The following OR14I1 variants were observed in gnomAD, a reference collection of about 807,000 sequenced individuals.
OR14I1 encodes olfactory receptor 14I1.
For missense variants in OR14I1, 279 were observed against 181.8 expected, an observed-to-expected ratio of 1.53 and a Z score of -3.07; for synonymous variants, 118 against 71.1, an observed-to-expected ratio of 1.66 and a Z score of -3.32.
chr1:248,692,601 C>T, the OR14I1 span: 4 of 152,622 alleles, frequency 2.6e-5, no homozygotes, highest in African/African-American at 9.6e-5. Context: ...CTTTGTTGGG[C>T]AGTGTACTCA....
chr1:248,684,840 T>G (rs1337156544), upstream of OR14I1, among the ~76,000 whole-genome samples: 2 of 84,874 alleles, frequency 2.4e-5, no homozygotes, highest in Non-Finnish European at 5.9e-5. Context: ...TGCCAATAAA[T>G]GGGGTAGCGG....
At chr1:248,701,623 C>T in the OR14I1 span, among the ~76,000 whole-genome samples, 1 of 152,086 alleles carries the variant, frequency 6.6e-6, no homozygotes, top group Non-Finnish European at 1.5e-5. Context: ...TGAGTGGACA[C>T]AGAGTTAGTG....
chr1:248,702,660 T>TA, the OR14I1 span, among the ~76,000 whole-genome samples: 6 of 152,250 alleles, frequency 3.9e-5, no homozygotes, highest in East Asian at 1.2e-3. Flanking sequence ...GTTCATGTCA[T>TA]ATGGTGTACT....
exon 1 of OR14I1, chr1:248,681,951 A>G: frequency 1.3e-6 from 1 of 781,100 alleles, no homozygotes; most frequent in Non-Finnish European, 2.4e-6. Flanking sequence ...CATAGCGGTC[A>G]TAAGACATGA....
chr1:248,693,858 T>G, the OR14I1 span, among the ~76,000 whole-genome samples: 27,415 of 150,110 alleles, frequency 0.18, 3,172 homozygotes, highest in African/African-American at 0.32. Context: ...ACTTGCCTGG[T>G]ATGCTCTGCA....
At position 248,681,693 on chromosome 1, in the gene OR14I1, C is replaced by G. The variant is rs781567985; in HGVS notation, c.612G>C (p.Leu204Phe). 1.8e-5 allele frequency: 14 copies of G among 780,934 alleles called. No homozygotes were observed. The South Asian group carries it at 1.9e-4, about 10-fold the overall frequency. 48.4% of individuals were successfully genotyped at this position (780,934 alleles called of 1,614,324 possible). A position where few individuals can be genotyped will look rare whatever the true frequency, so the allele number is the denominator to read the frequency against. The change falls in exon 1 of 1, where the codon TTG (leucine) becomes TTC (phenylalanine). Residue 204 changes from leucine to phenylalanine, a missense_variant. Transcript: ENST00000342623. ...TCATGAGAATAAAGCATCCCAGAAC[C>G]AAGCATGAGCTCAGGGCCAGGGTCA... is the stretch of plus-strand genomic sequence containing the variant.
At chr1:248,688,916 A>AT in the OR14I1 span, among the ~76,000 whole-genome samples, 3 of 151,940 alleles carry the variant, frequency 2.0e-5, no homozygotes, top group African/African-American at 4.8e-5. Flanking sequence ...TGAAACTTCC[A>AT]TTTTTTTTCT....
chr1:248,691,583 A>G, the OR14I1 span, among the ~76,000 whole-genome samples: 152 of 152,372 alleles, frequency 1.0e-3, no homozygotes, highest in African/African-American at 3.4e-3. Context: ...AAGTTCTTCC[A>G]ATCGTCAGAA....
the OR14I1 span, among the ~76,000 whole-genome samples, chr1:248,688,238 C>T: frequency 6.6e-6 from 1 of 152,108 alleles, no homozygotes; most frequent in Non-Finnish European, 1.5e-5. Context: ...ATGTAAAGAC[C>T]CAGTTAGGGC....
chr1:248,693,782 A>T, the OR14I1 span, among the ~76,000 whole-genome samples: 1 of 98,012 alleles, frequency 1.0e-5, no homozygotes, highest in Admixed American at 8.9e-5. Context: ...AGCTCATTTA[A>T]AAAAAAAAAA....
chr1:248,680,157 G>A (rs1331239005), downstream of OR14I1, among the ~76,000 whole-genome samples: 1 of 151,972 alleles, frequency 6.6e-6, no homozygotes, highest in African/African-American at 2.4e-5. Flanking sequence ...TTTTAAGAAA[G>A]ACATTTAAAG....
upstream of OR14I1, among the ~76,000 whole-genome samples, chr1:248,684,828 A>G (rs1661620020): frequency 7.3e-6 from 1 of 137,736 alleles, no homozygotes; most frequent in Admixed American, 8.1e-5. Context: ...AATGAATACA[A>G]ATGCCAATAA....
the OR14I1 span, among the ~76,000 whole-genome samples, chr1:248,689,768 A>G: frequency 6.6e-6 from 1 of 152,346 alleles, no homozygotes; most frequent in African/African-American, 2.4e-5. Context: ...AAATCAACAG[A>G]ATATACATTC....
At chr1:248,683,113 A>G (rs998716794), upstream of OR14I1, among the ~76,000 whole-genome samples, 5 of 152,216 alleles carry the variant, frequency 3.3e-5, no homozygotes, top group African/African-American at 9.6e-5. Context: ...ACAAGATCAA[A>G]TAAGTTGCCC....
chr1:248,702,509 A>G, the OR14I1 span, among the ~76,000 whole-genome samples: 1 of 152,220 alleles, frequency 6.6e-6, no homozygotes, highest in East Asian at 1.9e-4. Context: ...GAGTATCTTT[A>G]GAATTCTACT....
Position 248,681,868 on chromosome 1 carries a change from G to C in OR14I1, c.437C>G (p.Thr146Ser), listed in dbSNP as rs759106242. 3 of 780,950 alleles carry C rather than the reference G, an allele frequency of 3.8e-6. No homozygotes were observed. The South Asian group carries it at 4.0e-5, about 10-fold the overall frequency. 48.4% of individuals were successfully genotyped at this position (780,950 alleles called of 1,614,324 possible). ...TGCGTAGGAAAAGCAGCTTAGCCAG[G>C]TGGTGACTGCCATCTGATAGCACCC... The change falls in exon 1 of 1, where the codon ACC becomes AGC. Residue 146 changes from threonine to serine, a missense_variant. Physicochemically the swap from Thr to Ser is moderately conservative, Grantham distance 58. Transcript: ENST00000342623.
At chr1:248,691,579 T>C in the OR14I1 span, among the ~76,000 whole-genome samples, 1 of 152,230 alleles carries the variant, frequency 6.6e-6, no homozygotes, top group African/African-American at 2.4e-5. Flanking sequence ...CTCCAAGTTC[T>C]TCCAATCGTC....
At chr1:248,694,313 T>A in the OR14I1 span, among the ~76,000 whole-genome samples, 4 of 152,348 alleles carry the variant, frequency 2.6e-5, no homozygotes, top group East Asian at 5.8e-4. Flanking sequence ...TGTCCCATTT[T>A]AAAAATTTAC....
upstream of OR14I1, among the ~76,000 whole-genome samples, chr1:248,684,788 A>ACG (rs1197690926): frequency 5.3e-5 from 8 of 151,950 alleles, no homozygotes; most frequent in East Asian, 1.5e-3. Context: ...ACACACACAC[A>ACG]CAGATAAGCT....
Sources: gnomAD v4.1 joint callset for allele counts (sites outside exome capture counted in the v4.1 genomes callset) on GRCh38, gnomAD v4.1.1 for gene constraint, MANE v1.5 for transcripts, NCBI Gene and HGNC (gene_info 2026-07-23, HGNC 2026-07-21) for gene names.